Variants in FHIT observed in about 807,000 individuals in gnomAD.
FHIT encodes fragile histidine triad diadenosine triphosphatase.
Under a neutral mutation model 17.9 loss-of-function variants are expected in FHIT, and 19 were observed. That is an observed-to-expected ratio of 1.06 (90% CI 0.74 to 1.56). The LOEUF is 1.56. Among genes scored for constraint, FHIT ranks in the 40% most tolerant of loss-of-function variants. The pLI is 0.00. For synonymous variants in FHIT, 81 were observed against 69.7 expected (o/e 1.16, Z -0.81); for missense variants, 248 against 189.2 (o/e 1.31, Z -1.82).
Position 60,774,262 on chromosome 3 carries a change from TG to T in FHIT, c.-18+47656del, listed in dbSNP as rs143091408. Among the ~76,000 whole-genome samples the T allele has an allele frequency of 6.6e-3, 1,001 of 152,288 alleles. 16 individuals carry two copies. The highest frequency in any genetic ancestry group is 0.022 in the African/African-American group (934 of 41,554). On this transcript the variant is annotated intron_variant, in intron 4 of 9. Coordinates refer to ENST00000492590, the MANE Select transcript of FHIT (RefSeq NM_002012.4). ...GTATAGTCCTAAACCCTATACATAC[TG>T]TTTTTTCCCTATATATACATATTTA...
intron 5 of FHIT, among the ~76,000 whole-genome samples, chr3:60,301,512 A>G (rs982921856): frequency 1.3e-5 from 2 of 152,154 alleles, no homozygotes; most frequent in African/African-American, 2.4e-5. Context: ...TAGTTGATCA[A>G]TTCTGACCCA....
At chr3:60,466,830 T>C (rs34291859) in intron 5 of FHIT, among the ~76,000 whole-genome samples, 1 of 151,636 alleles carries the variant, frequency 6.6e-6, no homozygotes, top group African/African-American at 2.4e-5. Flanking sequence ...GCAGTTTTTT[T>C]TTTTTTTTTT....
At chr3:61,174,141 T>G (rs2038089612) in intron 2 of FHIT, among the ~76,000 whole-genome samples, 1 of 152,226 alleles carries the variant, frequency 6.6e-6, no homozygotes, top group East Asian at 1.9e-4. Flanking sequence ...AACATACATC[T>G]TCCCCCTATA....
rs745956181 is a variant in FHIT, at chr3:60,069,424, T to C, written c.104-55272A>G. On this transcript the variant is annotated intron_variant, in intron 5 of 9. Transcript: ENST00000492590. ...AAGTTAAAATTTCTAATGTAACCTA[T>C]GTCAATTACACATTCTGACAACATA... Among the ~76,000 whole-genome samples the C allele has an allele frequency of 4.6e-5, 7 of 152,214 alleles. 1 individual carries two copies. The highest frequency in any genetic ancestry group is 1.3e-4 in the Admixed American group (2 of 15,282).
At chr3:60,922,437 T>C (rs1345536787) in intron 3 of FHIT, among the ~76,000 whole-genome samples, 1 of 152,232 alleles carries the variant, frequency 6.6e-6, no homozygotes, top group Non-Finnish European at 1.5e-5. Flanking sequence ...CCTTCACATT[T>C]GTGCCCCTTG....
intron 4 of FHIT, among the ~76,000 whole-genome samples, chr3:60,544,252 T>C (rs2036287264): frequency 6.6e-6 from 1 of 151,968 alleles, no homozygotes; most frequent in Non-Finnish European, 1.5e-5. Context: ...AACTTCTTTT[T>C]TTTTGTATTA....
intron 5 of FHIT, among the ~76,000 whole-genome samples, chr3:60,208,342 G>C (rs917688071): frequency 6.6e-6 from 1 of 152,020 alleles, no homozygotes; most frequent in Non-Finnish European, 1.5e-5. Context: ...TGCCAAATCA[G>C]AGGTAGGCAA....
chr3:60,454,311 T>C (rs1193639505), intron 5 of FHIT, among the ~76,000 whole-genome samples: 1 of 152,144 alleles, frequency 6.6e-6, no homozygotes, highest in African/African-American at 2.4e-5. Context: ...AGGCTGCTAT[T>C]TGTTGTTCTT....
At chr3:60,162,841 C>G (rs564467175) in intron 5 of FHIT, among the ~76,000 whole-genome samples, 45 of 152,226 alleles carry the variant, frequency 3.0e-4, no homozygotes, top group Non-Finnish European at 6.3e-4. Context: ...TATTGAGAGA[C>G]CTGGATTATA....
chr3:60,261,995 C>T (rs916920921), intron 5 of FHIT, among the ~76,000 whole-genome samples: 1 of 152,006 alleles, frequency 6.6e-6, no homozygotes, highest in Non-Finnish European at 1.5e-5. Flanking sequence ...TTCTCCCCTA[C>T]CATCTACTTT....
intron 5 of FHIT, among the ~76,000 whole-genome samples, chr3:60,531,878 G>C (rs910254252): frequency 6.6e-6 from 1 of 152,164 alleles, no homozygotes; most frequent in Admixed American, 6.5e-5. Context: ...AAAGATATTT[G>C]TCAGAGTTTT....
At chr3:60,860,750 CAGGTATATA>C (rs1249074057) in intron 3 of FHIT, among the ~76,000 whole-genome samples, 3,023 of 22,664 alleles carry the variant, frequency 0.13, 1,055 homozygotes, top group African/African-American at 0.28. Flanking sequence ...TCATATATAT[CAGGTATATA>C]TGATACATAT....
At chr3:60,387,994 A>G (rs756813025) in intron 5 of FHIT, among the ~76,000 whole-genome samples, 27 of 152,070 alleles carry the variant, frequency 1.8e-4, no homozygotes, top group Non-Finnish European at 3.5e-4. Flanking sequence ...CTGTCTTGCC[A>G]TGTGATCTGC....
intron 2 of FHIT, among the ~76,000 whole-genome samples, chr3:61,156,755 A>AATT (rs2037544721): frequency 6.6e-6 from 1 of 152,202 alleles, no homozygotes; most frequent in East Asian, 1.9e-4. Context: ...ATCTTTCTGT[A>AATT]ATTAGCAACA....
intron 5 of FHIT, among the ~76,000 whole-genome samples, chr3:60,201,831 T>C (rs1287218620): frequency 8.0e-6 from 1 of 124,254 alleles, no homozygotes; most frequent in Non-Finnish European, 1.6e-5. Flanking sequence ...GTTAAACTTC[T>C]TTTGGAGTCT....
intron 5 of FHIT, among the ~76,000 whole-genome samples, chr3:60,227,573 A>C (rs9827643): frequency 0.19 from 28,220 of 152,188 alleles, 2,664 homozygotes; most frequent in East Asian, 0.27. Flanking sequence ...GGAAGAAGGA[A>C]GAACACGGCT....
intron 3 of FHIT, among the ~76,000 whole-genome samples, chr3:60,938,126 C>T (rs995848898): frequency 2.0e-5 from 3 of 152,212 alleles, no homozygotes; most frequent in Non-Finnish European, 4.4e-5. Flanking sequence ...TCTCTCACCA[C>T]TGTTTCTGCT....
intron 4 of FHIT, among the ~76,000 whole-genome samples, chr3:60,805,964 C>A (rs1294410227): frequency 6.6e-6 from 1 of 152,084 alleles, no homozygotes; most frequent in Non-Finnish European, 1.5e-5. Context: ...ACAATTCAGG[C>A]CATCACAATG....
chr3:60,595,543 G>A (rs1332423489), intron 4 of FHIT, among the ~76,000 whole-genome samples: 2 of 145,600 alleles, frequency 1.4e-5, no homozygotes, highest in African/African-American at 5.5e-5. Context: ...ATATATATGT[G>A]TGTGTATATA....
Sources: gnomAD v4.1 joint callset for allele counts (sites outside exome capture counted in the v4.1 genomes callset) on GRCh38, gnomAD v4.1.1 for gene constraint, MANE v1.5 for transcripts, NCBI Gene and HGNC (gene_info 2026-07-23, HGNC 2026-07-21) for gene names.